The following ATP10D variants were observed in gnomAD, a reference collection of about 807,000 sequenced individuals.
ATP10D encodes ATPase phospholipid transporting 10D (putative), also known as phospholipid-transporting ATPase VD.
ATP10D carries 89 observed loss-of-function variants against 144.8 expected under a neutral mutation model. The observed-to-expected ratio is 0.61, with a 90% CI of 0.52 to 0.73. The LOEUF (loss-of-function observed/expected upper bound fraction) is 0.73. ATP10D is among the 30% of genes least tolerant of loss of function. The probability of loss-of-function intolerance (pLI) is 0.00; values close to 1 mark genes in which losing one functional copy is unlikely to be tolerated. For missense variants in ATP10D, 1,603 were observed against 1,714.8 expected, an observed-to-expected ratio of 0.93 and a Z score of 1.15; for synonymous variants, 571 against 615.1, an observed-to-expected ratio of 0.93 and a Z score of 1.06.
chr4:47,538,826 T>C (rs1213673131), intron 9 of ATP10D, among the ~76,000 whole-genome samples: 1 of 152,216 alleles, frequency 6.6e-6, no homozygotes, highest in Non-Finnish European at 1.5e-5. Context: ...AGCAGTTTGC[T>C]TCTTCAAGGC....
At chr4:47,539,751 A>G (rs922774029) in intron 9 of ATP10D, among the ~76,000 whole-genome samples, 2 of 152,194 alleles carry the variant, frequency 1.3e-5, no homozygotes, top group Non-Finnish European at 2.9e-5. Flanking sequence ...TGCAGCAACA[A>G]TGTTTCATAA....
At chr4:47,569,701 T>C (rs935861759) in intron 16 of ATP10D, among the ~76,000 whole-genome samples, 1 of 151,868 alleles carries the variant, frequency 6.6e-6, no homozygotes, top group Non-Finnish European at 1.5e-5. Flanking sequence ...ATTGAAAAAA[T>C]AAAGTGGAAT....
chr4:47,553,879 G>A (rs1017832912), intron 10 of ATP10D, among the ~76,000 whole-genome samples: 5 of 152,172 alleles, frequency 3.3e-5, no homozygotes, highest in African/African-American at 1.2e-4. Context: ...GTGCTTTGCA[G>A]GCCAGCTGCC....
At chr4:47,508,006 C>T (rs1716114015) in intron 1 of ATP10D, among the ~76,000 whole-genome samples, 1 of 152,154 alleles carries the variant, frequency 6.6e-6, no homozygotes, top group African/African-American at 2.4e-5. Flanking sequence ...GGAGTACTAA[C>T]TAAATTACAT....
Position 47,572,140 on chromosome 4 carries a change from T to C in ATP10D, c.3164-14T>C, listed in dbSNP as rs748186698. The C allele has an allele frequency of 4.3e-6, 7 of 1,613,688 alleles. No individual in the cohort carries two copies. In the African/African-American group the frequency reaches 6.7e-5, roughly 15 times the overall value. On this transcript the variant is annotated splice_polypyrimidine_tract_variant and intron_variant, in intron 16 of 22. Transcript: ENST00000273859. ...TCCTCATATGTTTCTCTCCTTTTTT[T>C]CTGCCTCATGAAGGTGATGGTGCCA...
intron 1 of ATP10D, among the ~76,000 whole-genome samples, chr4:47,501,203 A>G (rs1278059745): frequency 6.6e-6 from 1 of 152,206 alleles, no homozygotes; most frequent in Non-Finnish European, 1.5e-5. Context: ...TGGGGCAGTG[A>G]AAAGATGGTT....
chr4:47,547,041 G>C lies in ATP10D; in HGVS notation c.1635+179G>C, dbSNP rs904080179. 6.6e-6 allele frequency: 4 copies of C among 606,306 alleles called. No individual in the cohort carries two copies. In the Admixed American group the frequency reaches 1.2e-4, roughly 18 times the overall value. The allele number at this position is 606,306 out of a possible 1,614,324, so 37.6% of individuals were successfully genotyped here. A position where few individuals can be genotyped will look rare whatever the true frequency, so the allele number is the denominator to read the frequency against. On this transcript the variant is annotated intron_variant, in intron 10 of 22. Coordinates refer to ENST00000273859, the MANE Select transcript of ATP10D (RefSeq NM_020453.4). Reference sequence around the variant, plus strand: ...AGTATAAACAAACAATATCACACTAGTCTACTTTTAAAAAATAACTCAATG... The same window carrying C: ...AGTATAAACAAACAATATCACACTACTCTACTTTTAAAAAATAACTCAATG...
intron 1 of ATP10D, chr4:47,491,571 A>G: frequency 2.7e-6 from 1 of 377,294 alleles, no homozygotes. Context: ...GCAATTTCCC[A>G]TATTCTTCAT....
At chr4:47,550,805 C>A (rs1405057230) in intron 10 of ATP10D, among the ~76,000 whole-genome samples, 2 of 152,132 alleles carry the variant, frequency 1.3e-5, no homozygotes, top group African/African-American at 4.8e-5. Flanking sequence ...CAGCAGACAC[C>A]CTGCCAGATC....
rs1717199736 is a variant in ATP10D at position 47,525,609 on chromosome 4, C to G, written c.743C>G (p.Pro248Arg). The change falls in exon 5 of 23, where the codon CCA (proline) becomes CGA (arginine). Residue 248 changes from proline to arginine, a missense_variant. Pro to Arg is a moderately radical substitution (Grantham distance 103, BLOSUM62 -2). Coordinates refer to ENST00000273859, the MANE Select transcript of ATP10D (RefSeq NM_020453.4). ...KFSSRIECESPNNDLSRFRGF... is the reference protein window; with the variant it reads ...KFSSRIECESRNNDLSRFRGF... ...TCCAGTAGGATAGAATGTGAAAGCC[C>G]AAACAATGACCTCAGCAGATTCCGA... 3 of 1,613,334 alleles carry G rather than the reference C, an allele frequency of 1.9e-6. No individual in the cohort carries two copies. The highest frequency in any genetic ancestry group is 2.5e-6 in the Non-Finnish European group (3 of 1,179,532).
chr4:47,577,199 G>C (rs1247102595), intron 19 of ATP10D, among the ~76,000 whole-genome samples: 1 of 152,182 alleles, frequency 6.6e-6, no homozygotes, highest in Admixed American at 6.5e-5. Context: ...TCTAAAGTTT[G>C]AATCTTACAA....
intron 1 of ATP10D, among the ~76,000 whole-genome samples, chr4:47,501,204 A>G (rs2109390045): frequency 6.6e-6 from 1 of 152,316 alleles, no homozygotes; most frequent in African/African-American, 2.4e-5. Flanking sequence ...GGGGCAGTGA[A>G]AAGATGGTTG....
intron 1 of ATP10D, among the ~76,000 whole-genome samples, chr4:47,509,223 T>C (rs764309244): frequency 8.7e-6 from 1 of 114,482 alleles, no homozygotes; most frequent in Non-Finnish European, 1.8e-5. Flanking sequence ...TTTTCAAACA[T>C]TGAAAATATT....
intron 9 of ATP10D, among the ~76,000 whole-genome samples, chr4:47,544,094 A>T (rs1718296695): frequency 6.6e-6 from 1 of 152,218 alleles, no homozygotes; most frequent in Admixed American, 6.5e-5. Context: ...ACAGTAAAGC[A>T]TGGGGCTGTG....
chr4:47,522,331 C>T (rs1716989180), intron 3 of ATP10D, among the ~76,000 whole-genome samples: 1 of 152,160 alleles, frequency 6.6e-6, no homozygotes, highest in Non-Finnish European at 1.5e-5. Context: ...TCTTATGCAT[C>T]TTCAGATCCT....
chr4:47,562,225 T>C (rs976759013), intron 14 of ATP10D, among the ~76,000 whole-genome samples: 1 of 152,196 alleles, frequency 6.6e-6, no homozygotes, highest in Admixed American at 6.5e-5. Flanking sequence ...ATGCACCATA[T>C]TACTTTTTTA....
At chr4:47,494,907 A>G (rs1478505321) in intron 1 of ATP10D, among the ~76,000 whole-genome samples, 3 of 152,196 alleles carry the variant, frequency 2.0e-5, no homozygotes, top group African/African-American at 7.2e-5. Flanking sequence ...TTCACAACTA[A>G]TTTTCAGAAA....
At chr4:47,523,719 T>A (rs909977051) in intron 4 of ATP10D, among the ~76,000 whole-genome samples, 3 of 152,230 alleles carry the variant, frequency 2.0e-5, no homozygotes, top group Admixed American at 6.5e-5. Flanking sequence ...TTAAACACTT[T>A]ATGCCTCAGT....
At chr4:47,572,789 T>C (rs1467284519) in intron 17 of ATP10D, 83 bp from the exon 18 acceptor site, 14 of 1,571,188 alleles carry the variant, frequency 8.9e-6, no homozygotes, top group African/African-American at 1.4e-5. Flanking sequence ...ATATGAGGCC[T>C]AGGGTTTCCC....
Sources: allele counts gnomAD v4.1 joint callset (sites outside exome capture counted in the v4.1 genomes callset), GRCh38; gene constraint gnomAD v4.1.1; transcripts MANE v1.5; gene names NCBI Gene and HGNC (gene_info 2026-07-23, HGNC 2026-07-21).